KCNN2: variants seen among roughly 807,000 people sequenced by gnomAD.
KCNN2 encodes the protein potassium calcium-activated channel subfamily N member 2.
KCNN2 carries 24 observed loss-of-function variants against 55.5 expected under a neutral mutation model. The ratio of observed to expected loss-of-function variants is 0.43; its 90% CI spans 0.31 to 0.61. The LOEUF is 0.61. Ranked by LOEUF, KCNN2 falls within the 20% of genes least tolerant of loss-of-function variation. KCNN2 has a pLI of 0.08. For missense variants in KCNN2, 754 were observed against 853.6 expected, an observed-to-expected ratio of 0.88 and a Z score of 1.45; for synonymous variants, 431 against 336.1, an observed-to-expected ratio of 1.28 and a Z score of -3.09.
chr5:114,235,746 T>G (rs1274293331), intron 2 of KCNN2, among the ~76,000 whole-genome samples: 1 of 152,224 alleles, frequency 6.6e-6, no homozygotes, highest in Non-Finnish European at 1.5e-5. Flanking sequence ...ATCACAAAAG[T>G]CTTCTTTTCC....
chr5:114,095,281 T>C (rs1344413227), intron 1 of KCNN2, among the ~76,000 whole-genome samples: 1 of 152,220 alleles, frequency 6.6e-6, no homozygotes, highest in African/African-American at 2.4e-5. Context: ...ATAACTATCA[T>C]TTTGCTGAGC....
intron 2 of KCNN2, among the ~76,000 whole-genome samples, chr5:114,349,158 T>C (rs188674464): frequency 1.2e-3 from 188 of 152,276 alleles, no homozygotes; most frequent in Non-Finnish European, 2.1e-3. Context: ...TATGGAATCA[T>C]GTAACGTGTT....
chr5:114,276,131 G>A lies in KCNN2; in HGVS notation c.-185+54566G>A, dbSNP rs150724162. On this transcript the variant is annotated intron_variant, in intron 2 of 10. Coordinates refer to the KCNN2 transcript ENST00000512097. ...CAGGTTGTTCAGTTTCCATGTAGTTGTGCAGTTTTGAGTGAGTTTCTTAAT... is the reference window on the plus strand; with the variant it reads ...CAGGTTGTTCAGTTTCCATGTAGTTATGCAGTTTTGAGTGAGTTTCTTAAT... Among the ~76,000 whole-genome samples, 88 of 152,280 alleles carry A rather than the reference G, an allele frequency of 5.8e-4. No homozygotes were observed. The East Asian group carries it at 0.012, about 21-fold the overall frequency.
chr5:114,097,923 CAT>C (rs1751296151), intron 1 of KCNN2, among the ~76,000 whole-genome samples: 1 of 152,144 alleles, frequency 6.6e-6, no homozygotes, highest in South Asian at 2.1e-4. Context: ...TTACCACAAA[CAT>C]AGTAGTTTAA....
At chr5:114,223,658 GA>G (rs548077833) in intron 2 of KCNN2, among the ~76,000 whole-genome samples, 55 of 152,194 alleles carry the variant, frequency 3.6e-4, no homozygotes, top group Admixed American at 1.0e-3. Flanking sequence ...TTGACAACCT[GA>G]AAAAAGACAA....
chr5:114,255,243 C>G (rs532751353), intron 2 of KCNN2, among the ~76,000 whole-genome samples: 5 of 152,206 alleles, frequency 3.3e-5, no homozygotes, highest in Admixed American at 2.0e-4. Context: ...AAATCTTACA[C>G]GTGCATTGTA....
At chr5:114,151,810 A>C (rs1252707421) in intron 1 of KCNN2, among the ~76,000 whole-genome samples, 2 of 152,158 alleles carry the variant, frequency 1.3e-5, no homozygotes, top group African/African-American at 2.4e-5. Context: ...AGAAAAAAAA[A>C]ATCTCTCCAT....
intron 2 of KCNN2, among the ~76,000 whole-genome samples, chr5:114,257,139 T>A (rs1490766958): frequency 2.0e-5 from 3 of 152,164 alleles, no homozygotes; most frequent in Non-Finnish European, 4.4e-5. Context: ...TGTATATTTT[T>A]ATCAACTTTG....
intron 2 of KCNN2, among the ~76,000 whole-genome samples, chr5:114,244,625 T>A (rs1330028099): frequency 6.8e-6 from 1 of 147,972 alleles, no homozygotes; most frequent in Non-Finnish European, 1.5e-5. Flanking sequence ...GGGGGGAGTG[T>A]GGAGGGGAGA....
intron 1 of KCNN2, 113 bp from the exon 2 acceptor site, chr5:114,363,793 T>C (rs1393887567): frequency 1.4e-5 from 10 of 730,844 alleles, no homozygotes; most frequent in Non-Finnish European, 2.2e-5. Flanking sequence ...TCTCCCCTTA[T>C]CTTCCTTCTG....
chr5:114,328,616 C>T (rs748195027), intron 2 of KCNN2, among the ~76,000 whole-genome samples: 4 of 152,118 alleles, frequency 2.6e-5, no homozygotes, highest in East Asian at 1.9e-4. Flanking sequence ...AGGTATGATC[C>T]GGGAAACCAG....
intron 4 of KCNN2, among the ~76,000 whole-genome samples, chr5:114,464,351 T>A (rs1040532026): frequency 3.3e-5 from 5 of 152,246 alleles, no homozygotes; most frequent in Admixed American, 3.3e-4. Context: ...TTGATCCTTG[T>A]GTGGTTTCTG....
intron 4 of KCNN2, among the ~76,000 whole-genome samples, chr5:114,469,351 T>C (rs1761608126): frequency 1.3e-5 from 2 of 152,204 alleles, no homozygotes; most frequent in Non-Finnish European, 2.9e-5. Flanking sequence ...CCTTTGCTTT[T>C]AATATATTGA....
In KCNN2 at chr5:114,365,667, G is replaced by A. The variant is rs527874002; in HGVS notation, c.1218+1666G>A. On this transcript the variant is annotated intron_variant, in intron 2 of 7. Transcript: ENST00000673685. Reference sequence around the variant, plus strand: ...TGCTACATGCCAAAAACTGTGAAACGTGAATATTTCTTTTTCTGCAGTTTC... The same window carrying A: ...TGCTACATGCCAAAAACTGTGAAACATGAATATTTCTTTTTCTGCAGTTTC... Among the ~76,000 whole-genome samples, 296 of 152,258 alleles carry A rather than the reference G, an allele frequency of 1.9e-3. 2 individuals carry two copies. The highest frequency in any genetic ancestry group is 3.7e-3 in the Admixed American group (57 of 15,292).
chr5:114,469,296 C>G (rs1237538533), intron 4 of KCNN2, among the ~76,000 whole-genome samples: 1 of 152,140 alleles, frequency 6.6e-6, no homozygotes, highest in Non-Finnish European at 1.5e-5. Context: ...TCACCATCTT[C>G]TCTGTTAGAA....
In KCNN2 at chr5:114,356,447, C is replaced by A. The variant is rs1178578749; in HGVS notation, c.-184-4498C>A. Among the ~76,000 whole-genome samples the A allele has an allele frequency of 3.3e-5, 5 of 152,244 alleles. No individual in the cohort carries two copies. In the East Asian group the frequency reaches 7.7e-4, roughly 23 times the overall value. Reference sequence around the variant, plus strand: ...TTATTTTAATAAGACTTAGCATACACAATGATTTCTACCTGTTCACCCATT... The same window carrying A: ...TTATTTTAATAAGACTTAGCATACAAAATGATTTCTACCTGTTCACCCATT... On this transcript the variant is annotated intron_variant, in intron 2 of 10. Coordinates refer to the KCNN2 transcript ENST00000512097.
chr5:114,105,046 T>G (rs1283551181), intron 1 of KCNN2, among the ~76,000 whole-genome samples: 1 of 152,062 alleles, frequency 6.6e-6, no homozygotes, highest in African/African-American at 2.4e-5. Flanking sequence ...TTGCAACAGG[T>G]TCATTCATCA....
At chr5:114,481,484 T>A (rs1762222345) in intron 5 of KCNN2, among the ~76,000 whole-genome samples, 1 of 152,188 alleles carries the variant, frequency 6.6e-6, no homozygotes, top group South Asian at 2.1e-4. Flanking sequence ...ATTTAATAGT[T>A]TCAGTGCTAT....
At chr5:114,295,277 G>T (rs906239444) in intron 2 of KCNN2, among the ~76,000 whole-genome samples, 7 of 152,200 alleles carry the variant, frequency 4.6e-5, no homozygotes, top group African/African-American at 9.6e-5. Context: ...CTGTCTTTTT[G>T]TTTGTCTGTG....
Sources: allele counts gnomAD v4.1 joint callset (sites outside exome capture counted in the v4.1 genomes callset), GRCh38; gene constraint gnomAD v4.1.1; transcripts MANE v1.5; gene names NCBI Gene and HGNC (gene_info 2026-07-23, HGNC 2026-07-21).